DCN: variants seen among roughly 807,000 people sequenced by gnomAD.
The protein encoded by DCN is decorin.
In DCN, 17 loss-of-function variants were observed where a neutral mutation model predicts 36.5. The observed-to-expected ratio is 0.47, with a 90% CI of 0.32 to 0.70. The LOEUF (loss-of-function observed/expected upper bound fraction) is 0.70, where lower values mean the gene tolerates loss of function less well. Among genes scored for constraint, DCN ranks in the 30% least tolerant of loss-of-function variants. The pLI, the probability that DCN is intolerant of heterozygous loss-of-function variation, is 0.04. For synonymous variants in DCN, 163 were observed against 161.4 expected (o/e 1.01, Z -0.07); for missense variants, 389 against 430.1 (o/e 0.90, Z 0.84).
intron 2 of DCN, among the ~76,000 whole-genome samples, chr12:91,168,406 A>G (rs771930255): frequency 1.3e-5 from 2 of 152,224 alleles, no homozygotes; most frequent in Non-Finnish European, 2.9e-5. Flanking sequence ...ATAGATGTAT[A>G]AGTTTAAACT....
chr12:91,175,748 C>A (rs1322321417), intron 2 of DCN: 1 of 152,066 alleles, frequency 6.6e-6, no homozygotes, highest in Non-Finnish European at 1.5e-5. Context: ...CCATCCCCAA[C>A]TGCATTGCAT....
intron 3 of DCN, among the ~76,000 whole-genome samples, chr12:91,158,772 G>T (rs964663671): frequency 1.3e-5 from 2 of 152,160 alleles, no homozygotes; most frequent in African/African-American, 4.8e-5. Context: ...GACAAGCCTG[G>T]CCAGCATGGC....
chr12:91,158,210 T>C, intron 4 of DCN, 86 bp downstream of exon 4: 1 of 861,196 alleles, frequency 1.2e-6, no homozygotes, highest in South Asian at 1.4e-5. Flanking sequence ...TTGTAGCTAA[T>C]TTACCTTCCT....
At chr12:91,156,541 A>C (rs1269659838) in intron 5 of DCN, among the ~76,000 whole-genome samples, 1 of 151,164 alleles carries the variant, frequency 6.6e-6, no homozygotes, top group Non-Finnish European at 1.5e-5. Flanking sequence ...GCTCAAGCAA[A>C]CTGACTCCAA....
At chr12:91,146,404 T>C (rs1449211451) in intron 7 of DCN, 152 bp from the exon 8 acceptor site, 4 of 575,356 alleles carry the variant, frequency 7.0e-6, no homozygotes, top group Non-Finnish European at 1.2e-5. Context: ...TCACCCAGGC[T>C]GGAGTGCAGT....
At chr12:91,146,359 T>C (rs1014321196) in intron 7 of DCN, 107 bp from the exon 8 acceptor site, 2 of 671,476 alleles carry the variant, frequency 3.0e-6, no homozygotes, top group Non-Finnish European at 4.8e-6. Flanking sequence ...CACTTTTTTT[T>C]TTTTTTTTTT....
chr12:91,168,101 G>A (rs372977916), intron 2 of DCN, among the ~76,000 whole-genome samples: 19 of 152,218 alleles, frequency 1.2e-4, no homozygotes, highest in African/African-American at 4.3e-4. Flanking sequence ...AAAGTGCTGG[G>A]ATTACAGGTG....
At position 91,178,331 on chromosome 12, in the gene DCN, A is replaced by C. The variant is rs376291263; in HGVS notation, c.211+11T>G. 1.1e-5 allele frequency: 18 copies of C among 1,610,552 alleles called. No individual in the cohort carries two copies. In the African/African-American group the frequency reaches 2.1e-4, roughly 19 times the overall value. ...AGTAAGGTAGGTAAAGAGAAACTGC[A>C]TCCCACTCACCCAAATCAGAACACT... On this transcript the variant is annotated intron_variant, in intron 2 of 7. Coordinates refer to ENST00000052754, the MANE Select transcript of DCN (RefSeq NM_001920.5).
chr12:91,153,010 AATC>A, intron 6 of DCN, 83 bp downstream of exon 6: 3 of 800,460 alleles, frequency 3.7e-6, no homozygotes, highest in South Asian at 1.4e-5. Flanking sequence ...CTCAAAAATC[AATC>A]ATCATGTTTA....
rs1193044818 is a variant in DCN at position 91,157,171 on chromosome 12, G to A, written c.556C>T (p.Leu186=). 6.2e-7 allele frequency: 1 copy of A among 1,613,328 alleles called. No individual in the cohort carries two copies. Residue 186 remains leucine, a synonymous_variant, in exon 5 of 8, where the codon CTG becomes TTG. Transcript: ENST00000052754. ...MIVIELGTNP[L]KSSGIENGAF... ...CCATTTTCAATTCCTGAGCTCTTCA[G>A]CGGATTGGTGCCCAGTTCTACAAAT...
chr12:91,159,186 T>C (rs1022191443), intron 3 of DCN, among the ~76,000 whole-genome samples: 1 of 152,108 alleles, frequency 6.6e-6, no homozygotes, highest in African/African-American at 2.4e-5. Flanking sequence ...CAGACATCCA[T>C]CCCGCAGTCA....
Position 91,141,939 on chromosome 12 carries a change from A to C in DCN, c.*4119T>G, listed in dbSNP as rs370255294. 2.0e-5 allele frequency: 3 copies of C among 151,940 alleles called. No homozygotes were observed. The highest frequency in any genetic ancestry group is 7.3e-5 in the African/African-American group (3 of 41,364). The allele number at this position is 151,940 out of a possible 1,614,324, so 9.4% of individuals were successfully genotyped here. A position where few individuals can be genotyped will look rare whatever the true frequency, so the allele number is the denominator to read the frequency against. ...CTTTCTTTTGGCTCAAAATTGTTCA[A>C]CTTCTTTGAAGGTTGTTTTAGTTTC... On this transcript the variant is annotated 3_prime_UTR_variant, in exon 8 of 8. Transcript: ENST00000052754.
chr12:91,173,204 C>T (rs1280194952), intron 2 of DCN, among the ~76,000 whole-genome samples: 2 of 152,188 alleles, frequency 1.3e-5, no homozygotes, highest in African/African-American at 2.4e-5. Flanking sequence ...TGGTTTTCCT[C>T]TTTTACCCAG....
chr12:91,167,514 C>A (rs775210013), intron 2 of DCN, among the ~76,000 whole-genome samples: 1 of 151,886 alleles, frequency 6.6e-6, no homozygotes, highest in Non-Finnish European at 1.5e-5. Context: ...CTGAGACCAT[C>A]TGAGACCATT....
chr12:91,164,478 A>AAAG, intron 3 of DCN, 127 bp downstream of exon 3: 1 of 445,410 alleles, frequency 2.2e-6, no homozygotes, highest in South Asian at 4.5e-5. Context: ...AAAAAAAAAA[A>AAAG]GGTGAAGTTA....
chr12:91,152,002 T>C (rs1881464468), intron 6 of DCN, among the ~76,000 whole-genome samples: 1 of 152,228 alleles, frequency 6.6e-6, no homozygotes, highest in African/African-American at 2.4e-5. Context: ...TCTTTGAGAT[T>C]CATCTGACAG....
At position 91,145,010 on chromosome 12, in the gene DCN, A is replaced by G. The variant is rs548996647; in HGVS notation, c.*1048T>C. ...GATTTATAGGGGTTTTAACCATCAAATATCTAACTTCATAGAAGACAGAAA... is the reference window on the plus strand; with the variant it reads ...GATTTATAGGGGTTTTAACCATCAAGTATCTAACTTCATAGAAGACAGAAA... On this transcript the variant is annotated 3_prime_UTR_variant, in exon 8 of 8. Coordinates refer to ENST00000052754, the MANE Select transcript of DCN (RefSeq NM_001920.5). The G allele has an allele frequency of 1.3e-5, 2 of 152,320 alleles. No individual in the cohort carries two copies. The highest frequency in any genetic ancestry group is 4.1e-4 in the South Asian group (2 of 4,828). The allele number at this position is 152,320 out of a possible 1,614,324, so 9.4% of individuals were successfully genotyped here.
intron 3 of DCN, among the ~76,000 whole-genome samples, chr12:91,163,714 G>A (rs1565781765): frequency 6.6e-6 from 1 of 152,022 alleles, no homozygotes; most frequent in African/African-American, 2.4e-5. Flanking sequence ...TAATCCTAAA[G>A]ATAAAGCAAG....
At position 91,141,558 on chromosome 12, in the gene DCN, T is replaced by G. The variant is rs1880755869; in HGVS notation, c.*4500A>C. On this transcript the variant is annotated 3_prime_UTR_variant, in exon 8 of 8. Transcript: ENST00000052754. ...AACATCTGCTTCAGAGGGCAAGGCA[T>G]TATGCACTGCTGTGTCTCTGCCACT... The G allele has an allele frequency of 6.6e-6, 1 of 152,144 alleles. No homozygotes were observed. The highest frequency in any genetic ancestry group is 2.4e-5 in the African/African-American group (1 of 41,432). The allele number at this position is 152,144 out of a possible 1,614,324, so 9.4% of individuals were successfully genotyped here. A position where few individuals can be genotyped will look rare whatever the true frequency, so the allele number is the denominator to read the frequency against.
Sources: gnomAD v4.1 joint callset for allele counts (sites outside exome capture counted in the v4.1 genomes callset) on GRCh38, gnomAD v4.1.1 for gene constraint, MANE v1.5 for transcripts, NCBI Gene and HGNC (gene_info 2026-07-23, HGNC 2026-07-21) for gene names.